The following FGF2 variants were observed in gnomAD, a reference collection of about 807,000 sequenced individuals.
FGF2 encodes the protein basic fibroblast growth factor bFGF.
In FGF2, 13 loss-of-function variants were observed where a neutral mutation model predicts 15.9. The observed-to-expected ratio is 0.82, with a 90% CI of 0.53 to 1.30. FGF2 has a LOEUF of 1.30. FGF2 is among the 50% of genes most tolerant of loss of function. The pLI, the probability that FGF2 is intolerant of heterozygous loss-of-function variation, is 0.00. For missense variants in FGF2, 163 were observed against 196.9 expected (o/e 0.83, Z 1.03); for synonymous variants, 90 against 78.4 (o/e 1.15, Z -0.78).
chr4:122,830,312 A>G (rs1210535808), intron 1 of FGF2, among the ~76,000 whole-genome samples: 1 of 152,194 alleles, frequency 6.6e-6, no homozygotes, highest in Non-Finnish European at 1.5e-5. Flanking sequence ...AAGAGGAGGC[A>G]GAGTGGGAAG....
At chr4:122,862,393 G>GATTGTGGAA (rs983616454) in intron 1 of FGF2, among the ~76,000 whole-genome samples, 1 of 152,194 alleles carries the variant, frequency 6.6e-6, no homozygotes, top group African/African-American at 2.4e-5. Flanking sequence ...AAATGATGTG[G>GATTGTGGAA]ATTGTGGAAG....
At chr4:122,872,813 A>G (rs45447091) in intron 1 of FGF2, among the ~76,000 whole-genome samples, 2,172 of 152,284 alleles carry the variant, frequency 0.014, 55 homozygotes, top group African/African-American at 0.049. Flanking sequence ...TCCTTTCCAG[A>G]CAAGCAGATG....
chr4:122,859,704 G>A (rs1563705), intron 1 of FGF2, among the ~76,000 whole-genome samples: 4 of 151,894 alleles, frequency 2.6e-5, no homozygotes, highest in East Asian at 1.9e-4. Flanking sequence ...GTTTCCCATC[G>A]TACAGGTGAG....
chr4:122,836,459 A>G (rs560297953), intron 1 of FGF2, among the ~76,000 whole-genome samples: 4 of 152,238 alleles, frequency 2.6e-5, no homozygotes, highest in South Asian at 2.1e-4. Flanking sequence ...TCTGTGTGCT[A>G]TCTAAAAATT....
intron 1 of FGF2, among the ~76,000 whole-genome samples, chr4:122,828,353 A>G (rs1479877617): frequency 2.0e-5 from 3 of 152,240 alleles, no homozygotes; most frequent in Non-Finnish European, 4.4e-5. Flanking sequence ...CACTGATGGA[A>G]TTTGAAGTGA....
intron 1 of FGF2, among the ~76,000 whole-genome samples, chr4:122,841,080 T>A (rs898964830): frequency 1.3e-5 from 2 of 152,218 alleles, no homozygotes; most frequent in Non-Finnish European, 2.9e-5. Flanking sequence ...TGTGTTAATT[T>A]CCATGGAATA....
At chr4:122,867,995 C>A (rs576306523) in intron 1 of FGF2, among the ~76,000 whole-genome samples, 1 of 152,152 alleles carries the variant, frequency 6.6e-6, no homozygotes, top group South Asian at 2.1e-4. Flanking sequence ...TTACTATTAA[C>A]TTGCCTAGTA....
At chr4:122,826,782 G>T (rs755065230), upstream of FGF2, 6 of 1,363,038 alleles carry the variant, frequency 4.4e-6, no homozygotes, top group East Asian at 9.1e-5. Context: ...GAGGCTGGTG[G>T]GTGTGGGGGG....
chr4:122,830,304 G>A lies in FGF2; in HGVS notation c.178+2952G>A, dbSNP rs45609441. On this transcript the variant is annotated intron_variant, in intron 1 of 2. Transcript: ENST00000644866. Reference sequence around the variant, plus strand: ...GGGGTCCTGGAGAGGTGCAGGGGAAGAGGAGGCAGAGTGGGAAGCTGTGAG... The same window carrying A: ...GGGGTCCTGGAGAGGTGCAGGGGAAAAGGAGGCAGAGTGGGAAGCTGTGAG... Among the ~76,000 whole-genome samples the A allele has an allele frequency of 4.9e-3, 753 of 152,302 alleles. 6 individuals carry two copies. The highest frequency in any genetic ancestry group is 0.017 in the African/African-American group (726 of 41,570).
At chr4:122,882,883 A>T (rs1263188801) in intron 2 of FGF2, 1 of 152,194 alleles carries the variant, frequency 6.6e-6, no homozygotes, top group African/African-American at 2.4e-5. Flanking sequence ...CAATCTTCAG[A>T]TGAAAAAGTA....
intron 1 of FGF2, among the ~76,000 whole-genome samples, chr4:122,872,890 A>G (rs1416147646): frequency 6.6e-6 from 1 of 152,256 alleles, no homozygotes; most frequent in Non-Finnish European, 1.5e-5. Flanking sequence ...CAATATGGAA[A>G]GGAAAAACCG....
At chr4:122,883,532 T>C (rs1308501363) in intron 2 of FGF2, among the ~76,000 whole-genome samples, 2 of 152,224 alleles carry the variant, frequency 1.3e-5, no homozygotes, top group Admixed American at 6.5e-5. Flanking sequence ...ACAACAGACT[T>C]CTTACTCCAT....
intron 1 of FGF2, among the ~76,000 whole-genome samples, chr4:122,842,995 C>T (rs1194097242): frequency 6.6e-6 from 1 of 152,080 alleles, no homozygotes; most frequent in Non-Finnish European, 1.5e-5. Context: ...CAAAGTACCA[C>T]TATATTATAC....
At chr4:122,870,556 C>T (rs13111465) in intron 1 of FGF2, among the ~76,000 whole-genome samples, 65,177 of 151,836 alleles carry the variant, frequency 0.43, 16,896 homozygotes, top group Non-Finnish European at 0.57. Flanking sequence ...AGCCTTGGGA[C>T]GGTGTATGTG....
At position 122,827,336 on chromosome 4, in the gene FGF2, G is replaced by A. The variant is rs1007001386; in HGVS notation, c.162G>A (p.Glu54=). 5.0e-5 allele frequency: 80 copies of A among 1,612,880 alleles called. No individual in the cohort carries two copies. The highest frequency in any genetic ancestry group is 1.1e-4 in the African/African-American group (8 of 74,926). Residue 54 remains glutamate, a synonymous_variant, in exon 1 of 3, where the codon GAG becomes GAA. Transcript: ENST00000644866. This position sits in a 1 kb window ranked among gnomAD's most constrained non-coding sequence, Gnocchi z 4.2. ...ACGGCCGAGTTGACGGGGTCCGGGA[G>A]AAGAGCGACCCTCACAGTGAGTGCC... ...HPDGRVDGVR[E]KSDPHIKLQL... is the part of the protein sequence containing the mutation.
intron 1 of FGF2, among the ~76,000 whole-genome samples, chr4:122,868,206 T>C (rs1726646216): frequency 6.6e-6 from 1 of 152,298 alleles, no homozygotes; most frequent in Middle Eastern, 3.4e-3. Context: ...AACGTGCACA[T>C]AGGTATACGT....
At chr4:122,830,639 C>T (rs1360741676) in intron 1 of FGF2, among the ~76,000 whole-genome samples, 2 of 151,848 alleles carry the variant, frequency 1.3e-5, no homozygotes, top group Admixed American at 6.6e-5. Context: ...TCTTTCAATG[C>T]GGTGGGAATG....
At chr4:122,869,817 A>G (rs375448205) in intron 1 of FGF2, among the ~76,000 whole-genome samples, 6 of 152,132 alleles carry the variant, frequency 3.9e-5, no homozygotes, top group African/African-American at 1.2e-4. Flanking sequence ...TCCTATTTCA[A>G]TACCCTTTGT....
Position 122,896,714 on chromosome 4 carries a change from G to A in FGF2, c.*4318G>A, listed in dbSNP as rs768055918. On this transcript the variant is annotated 3_prime_UTR_variant, in exon 3 of 3. Transcript: ENST00000644866. Reference sequence around the variant, plus strand: ...GTTACGAGTTGGCTATATAATGTATGTATGGTATTTTGATTTGTGTAAAAG... The same window carrying A: ...GTTACGAGTTGGCTATATAATGTATATATGGTATTTTGATTTGTGTAAAAG... 2.6e-5 allele frequency: 4 copies of A among 152,146 alleles called. No individual in the cohort carries two copies. Among genetic ancestry groups the A allele is most frequent in the African/African-American group, 4.8e-5 (2 of 41,440 alleles). The allele number at this position is 152,146 out of a possible 1,614,324, so 9.4% of individuals were successfully genotyped here. A position where few individuals can be genotyped will look rare whatever the true frequency, so the allele number is the denominator to read the frequency against.
Sources: gnomAD v4.1 joint callset for allele counts (sites outside exome capture counted in the v4.1 genomes callset) on GRCh38, gnomAD v4.1.1 for gene constraint, Gnocchi (gnomAD v3.1) non-coding constraint, MANE v1.5 for transcripts, NCBI Gene and HGNC (gene_info 2026-07-23, HGNC 2026-07-21) for gene names.